SNX29: variants seen among roughly 807,000 people sequenced by gnomAD.
The protein encoded by SNX29 is sorting nexin-29.
In SNX29, 78 loss-of-function variants were observed where a neutral mutation model predicts 102.1. The ratio of observed to expected loss-of-function variants is 0.76; its 90% CI spans 0.64 to 0.92. SNX29 has a LOEUF of 0.92. Ranked by LOEUF, SNX29 falls within the 40% of genes least tolerant of loss-of-function variation. The probability of loss-of-function intolerance (pLI) is 0.00; values close to 1 mark genes in which losing one functional copy is unlikely to be tolerated. For synonymous variants in SNX29, 580 were observed against 414.5 expected, an observed-to-expected ratio of 1.40 and a Z score of -4.85; for missense variants, 1,280 against 1,061.7, an observed-to-expected ratio of 1.21 and a Z score of -2.86.
chr16:12,129,396 G>A (rs1470540764), intron 12 of SNX29, among the ~76,000 whole-genome samples: 1 of 152,168 alleles, frequency 6.6e-6, no homozygotes, highest in Non-Finnish European at 1.5e-5. Context: ...CTGCTCGCAG[G>A]CAATCAGGGA....
At chr16:12,013,912 A>T (rs1157979550) in intron 3 of SNX29, among the ~76,000 whole-genome samples, 4 of 151,790 alleles carry the variant, frequency 2.6e-5, no homozygotes, top group Non-Finnish European at 4.4e-5. Context: ...CGGCCCCCCA[A>T]AGTGCTAGGA....
chr16:12,559,394 C>T (rs995952885), intron 20 of SNX29, among the ~76,000 whole-genome samples: 1 of 151,264 alleles, frequency 6.6e-6, no homozygotes, highest in Non-Finnish European at 1.5e-5. Flanking sequence ...TCTCCCATCG[C>T]CCCCTGAAGG....
At chr16:12,126,780 C>G in intron 12 of SNX29, 84 bp downstream of exon 12, 1 of 1,506,260 alleles carries the variant, frequency 6.6e-7, no homozygotes, top group Non-Finnish European at 9.1e-7. Context: ...AGATGAGGGA[C>G]ATTTTGCTTT....
intron 18 of SNX29, among the ~76,000 whole-genome samples, chr16:12,467,556 G>C (rs911476889): frequency 6.6e-6 from 1 of 152,134 alleles, no homozygotes; most frequent in East Asian, 1.9e-4. Context: ...CTCATGGACG[G>C]GCAAATACAC....
chr16:12,456,167 A>C (rs1329733531), intron 18 of SNX29, among the ~76,000 whole-genome samples: 2 of 152,192 alleles, frequency 1.3e-5, no homozygotes, highest in African/African-American at 4.8e-5. Flanking sequence ...TGTACTCCCA[A>C]GAATATGTAT....
intron 20 of SNX29, among the ~76,000 whole-genome samples, chr16:12,558,799 C>T (rs1454339435): frequency 6.6e-6 from 1 of 152,170 alleles, no homozygotes; most frequent in African/African-American, 2.4e-5. Context: ...AGTTTATCTG[C>T]CTGATAAGGG....
chr16:12,442,057 G>T (rs2085832517), intron 18 of SNX29, among the ~76,000 whole-genome samples: 1 of 152,002 alleles, frequency 6.6e-6, no homozygotes, highest in South Asian at 2.1e-4. Flanking sequence ...TGGGATTACA[G>T]GTGTGAGCCA....
chr16:12,128,050 C>A (rs759044629), intron 12 of SNX29, among the ~76,000 whole-genome samples: 1 of 152,162 alleles, frequency 6.6e-6, no homozygotes, highest in Non-Finnish European at 1.5e-5. Context: ...GCTTGACAAG[C>A]TTCTCTCTTG....
chr16:12,338,464 T>C (rs529563764), intron 15 of SNX29, among the ~76,000 whole-genome samples: 2 of 152,330 alleles, frequency 1.3e-5, no homozygotes, highest in East Asian at 3.9e-4. Flanking sequence ...TCTTAGGTTC[T>C]CACCGTGCAT....
chr16:12,205,526 T>C (rs1249017811), intron 14 of SNX29, among the ~76,000 whole-genome samples: 4 of 152,176 alleles, frequency 2.6e-5, no homozygotes, highest in African/African-American at 9.7e-5. Context: ...CGCTGGCCTT[T>C]AGGCTGATCC....
chr16:12,521,995 C>T (rs1004084212), intron 19 of SNX29, among the ~76,000 whole-genome samples: 1 of 152,210 alleles, frequency 6.6e-6, no homozygotes, highest in Non-Finnish European at 1.5e-5. Context: ...GGTCCCCCAC[C>T]GAGGCCGCTC....
intron 14 of SNX29, among the ~76,000 whole-genome samples, chr16:12,271,290 G>C (rs1182239517): frequency 1.3e-5 from 2 of 152,258 alleles, no homozygotes. Flanking sequence ...GGCTCCACTG[G>C]AGGAGTGTGC....
intron 16 of SNX29, among the ~76,000 whole-genome samples, chr16:12,394,157 T>C (rs2083636665): frequency 6.6e-6 from 1 of 152,206 alleles, no homozygotes; most frequent in South Asian, 2.1e-4. Context: ...GGCTCAAGGT[T>C]TTAGACCCAG....
intron 19 of SNX29, among the ~76,000 whole-genome samples, chr16:12,518,795 C>T (rs187779451): frequency 2.0e-4 from 31 of 152,300 alleles, no homozygotes; most frequent in East Asian, 1.2e-3. Context: ...GCTACCCCAT[C>T]GCTGTCTTGC....
chr16:12,364,238 A>G (rs143052580), intron 16 of SNX29, among the ~76,000 whole-genome samples: 388 of 140,852 alleles, frequency 2.8e-3, no homozygotes, highest in African/African-American at 9.9e-3. Context: ...GCAGGCTCTC[A>G]CTATATTGCC....
intron 8 of SNX29, chr16:12,060,782 C>G (rs2050740902): frequency 4.4e-6 from 2 of 456,174 alleles, no homozygotes; most frequent in Non-Finnish European, 8.8e-6. Context: ...CCCAAACAAA[C>G]CCAACCACAC....
chr16:12,347,589 AC>A (rs2081851705), intron 15 of SNX29, among the ~76,000 whole-genome samples: 1 of 151,324 alleles, frequency 6.6e-6, no homozygotes, highest in Non-Finnish European at 1.5e-5. Flanking sequence ...GTAAATATAC[AC>A]CTCCCAGGCT....
At chr16:12,014,943 T>G (rs569313060) in intron 3 of SNX29, among the ~76,000 whole-genome samples, 1 of 152,074 alleles carries the variant, frequency 6.6e-6, no homozygotes, top group African/African-American at 2.4e-5. Context: ...AAGCATGAAT[T>G]TTTTTCTTTT....
chr16:12,118,022 G>A (rs1405373223), intron 11 of SNX29, among the ~76,000 whole-genome samples: 1 of 151,266 alleles, frequency 6.6e-6, no homozygotes, highest in Non-Finnish European at 1.5e-5. Flanking sequence ...GCTTCAACAC[G>A]GGAGGCGGAG....
Sources: allele counts gnomAD v4.1 joint callset (sites outside exome capture counted in the v4.1 genomes callset), GRCh38; gene constraint gnomAD v4.1.1; transcripts MANE v1.5; gene names NCBI Gene and HGNC (gene_info 2026-07-23, HGNC 2026-07-21).